The following PRKACA variants were observed in gnomAD, a reference collection of about 807,000 sequenced individuals.
The protein encoded by PRKACA is cAMP-dependent protein kinase catalytic subunit alpha.
In PRKACA, 9 loss-of-function variants were observed where a neutral mutation model predicts 45.8. That is an observed-to-expected ratio of 0.20 (90% CI 0.12 to 0.34). The LOEUF (loss-of-function observed/expected upper bound fraction) is 0.34. PRKACA is among the 10% of genes least tolerant of loss of function. PRKACA has a pLI of 1.00. For missense variants in PRKACA, 238 were observed against 458.6 expected (o/e 0.52, Z 4.39); for synonymous variants, 160 against 178.6 (o/e 0.90, Z 0.83).
intron 1 of PRKACA, among the ~76,000 whole-genome samples, chr19:14,111,565 C>T (rs1433545456): frequency 6.6e-6 from 1 of 152,176 alleles, no homozygotes; most frequent in Non-Finnish European, 1.5e-5. Flanking sequence ...GCCTGGGGGT[C>T]ACACCAAATC....
At chr19:14,108,552 C>T (rs1252354628) in intron 1 of PRKACA, among the ~76,000 whole-genome samples, 3 of 151,564 alleles carry the variant, frequency 2.0e-5, no homozygotes, top group African/African-American at 4.9e-5. Flanking sequence ...GGACTACAGA[C>T]GCCTGCCACC....
intron 8 of PRKACA, among the ~76,000 whole-genome samples, chr19:14,094,978 C>A (rs568731943): frequency 3.9e-5 from 6 of 152,202 alleles, no homozygotes; most frequent in Non-Finnish European, 8.8e-5. Flanking sequence ...TGGCCCTTAA[C>A]CTCTCTGGGC....
rs774910519 is a variant in PRKACA, at chr19:14,093,589, C to T, written c.930+39G>A. 6 of 1,594,510 alleles carry T rather than the reference C, an allele frequency of 3.8e-6. No individual in the cohort carries two copies. In the East Asian group the frequency reaches 1.3e-4, roughly 36 times the overall value. On this transcript the variant is annotated intron_variant, in intron 9 of 9. Coordinates refer to ENST00000308677, the MANE Select transcript of PRKACA (RefSeq NM_002730.4). ...GCTGTCCTCCCTGACTCTTGGCCTG[C>T]TCCCAAACCCTCAGCAGGCTTAAGG... is the stretch of plus-strand genomic sequence containing the variant.
chr19:14,094,267 C>T (rs1178245923), intron 8 of PRKACA, among the ~76,000 whole-genome samples: 2 of 151,028 alleles, frequency 1.3e-5, no homozygotes, highest in East Asian at 3.9e-4. Context: ...GGGCTCACTG[C>T]AACCTCCGCC....
At chr19:14,106,952 T>G (rs1977629164) in intron 2 of PRKACA, 64 bp from the exon 3 acceptor site, 1 of 1,587,546 alleles carries the variant, frequency 6.3e-7, no homozygotes, top group South Asian at 1.1e-5. Flanking sequence ...GGCTAAGGTC[T>G]GGGGCATCCC....
chr19:14,094,185 G>GA (rs940405502), intron 8 of PRKACA, among the ~76,000 whole-genome samples: 12,103 of 58,966 alleles, frequency 0.21, 1,742 homozygotes, highest in African/African-American at 0.27. Flanking sequence ...TTCTTTTTTT[G>GA]AAAAAAAAAA....
At chr19:14,112,510 CT>C (rs1966994405) in intron 1 of PRKACA, 1 of 152,084 alleles carries the variant, frequency 6.6e-6, no homozygotes, top group South Asian at 2.1e-4. Context: ...TGGAATCTTC[CT>C]TTTGCTGAGA....
rs1977486862 is a variant in PRKACA at position 14,102,885 on chromosome 19, G to A, written c.267C>T (p.Thr89=). The stretch of plus-strand genomic sequence containing the variant: ...CTTGCAGGATGCGCTTTTCATTCAG[G>A]GTGTGTTCGATCTGTTTCAGTTTCA... The part of the protein sequence containing the change: ...KVVKLKQIEH[T]LNEKRILQAV... Residue 89 remains threonine, a synonymous_variant, in exon 4 of 10, where the codon ACC becomes ACT. Coordinates refer to ENST00000308677, the MANE Select transcript of PRKACA (RefSeq NM_002730.4). The A allele has an allele frequency of 1.2e-5, 19 of 1,614,152 alleles. No homozygotes were observed. Among genetic ancestry groups the A allele is most frequent in the Non-Finnish European group, 1.5e-5 (18 of 1,180,000 alleles).
chr19:14,111,591 C>A (rs907012322), intron 1 of PRKACA, among the ~76,000 whole-genome samples: 4 of 152,186 alleles, frequency 2.6e-5, no homozygotes, highest in Admixed American at 2.6e-4. Flanking sequence ...CTTTCACTAG[C>A]AGAACCTTTG....
chr19:14,116,493 A>G (rs1428939453), intron 1 of PRKACA, among the ~76,000 whole-genome samples: 42 of 152,118 alleles, frequency 2.8e-4, no homozygotes, highest in Admixed American at 2.7e-3. Flanking sequence ...TTAGAACCGA[A>G]TGAACCTCGC....
chr19:14,115,621 C>T (rs1044912192), intron 1 of PRKACA, among the ~76,000 whole-genome samples: 1 of 152,180 alleles, frequency 6.6e-6, no homozygotes, highest in Non-Finnish European at 1.5e-5. Flanking sequence ...TCTATTTTAC[C>T]ATGATCATTC....
At position 14,092,571 on chromosome 19, in the gene PRKACA, G is replaced by T. The variant is rs1977111121; in HGVS notation, c.*541C>A. 5 of 398,568 alleles carry T rather than the reference G, an allele frequency of 1.3e-5. No homozygotes were observed. Among genetic ancestry groups the T allele is most frequent in the East Asian group, 7.1e-5 (2 of 28,080 alleles). The allele number at this position is 398,568 out of a possible 1,614,324, so 24.7% of individuals were successfully genotyped here. A position where few individuals can be genotyped will look rare whatever the true frequency, so the allele number is the denominator to read the frequency against. On this transcript the variant is annotated 3_prime_UTR_variant, in exon 10 of 10. Coordinates refer to ENST00000308677, the MANE Select transcript of PRKACA (RefSeq NM_002730.4). ...AACTTAAATAAGATTTTAAATTGTTGTTTTTTTAAAAAAATTCTAGCAAGC... is the reference window on the plus strand; with the variant it reads ...AACTTAAATAAGATTTTAAATTGTTTTTTTTTTAAAAAAATTCTAGCAAGC...
intron 1 of PRKACA, among the ~76,000 whole-genome samples, chr19:14,115,725 T>G (rs1052215743): frequency 4.6e-5 from 7 of 152,166 alleles, no homozygotes; most frequent in Non-Finnish European, 1.0e-4. Context: ...TGTGTGGCTT[T>G]CCACCCCCCA....
At chr19:14,100,408 C>T (rs901273996) in intron 5 of PRKACA, among the ~76,000 whole-genome samples, 23 of 152,148 alleles carry the variant, frequency 1.5e-4, no homozygotes, top group Non-Finnish European at 5.9e-5. Flanking sequence ...AGTGATTCTC[C>T]TGCCTCAGCC....
rs542748507 is a variant in PRKACA at position 14,100,304 on chromosome 19, A to AT, written c.419+521dup. ...AAAATGCACAAAATCAACAACTTCAATTTTTTTTTTTGAGACGGCATGTCA... is the reference window on the plus strand; with the variant it reads ...AAAATGCACAAAATCAACAACTTCAATTTTTTTTTTTTGAGACGGCATGTCA... On this transcript the variant is annotated intron_variant, in intron 5 of 9. Transcript: ENST00000308677. Among the ~76,000 whole-genome samples the AT allele has an allele frequency of 5.6e-3, 800 of 142,026 alleles. 3 individuals are homozygous for AT. Among genetic ancestry groups the AT allele is most frequent in the Non-Finnish European group, 8.9e-3 (572 of 64,248 alleles). The allele number at this position is 142,026 out of a possible 152,430, so 93.2% of individuals were successfully genotyped here.
intron 2 of PRKACA, 124 bp from the exon 3 acceptor site, chr19:14,107,012 T>C: frequency 7.8e-7 from 1 of 1,285,000 alleles, no homozygotes; most frequent in Non-Finnish European, 1.1e-6. Flanking sequence ...GTCAGCGGGG[T>C]GAGGACAGGG....
rs1977111384 is a variant in PRKACA at position 14,092,577 on chromosome 19, T to G, written c.*535A>C. The G allele has an allele frequency of 2.5e-6, 1 of 398,738 alleles. No homozygotes were observed. Among genetic ancestry groups the G allele is most frequent in the East Asian group, 3.6e-5 (1 of 28,070 alleles). The allele number at this position is 398,738 out of a possible 1,614,324, so 24.7% of individuals were successfully genotyped here. A position where few individuals can be genotyped will look rare whatever the true frequency, so the allele number is the denominator to read the frequency against. Reference sequence around the variant, plus strand: ...AATAAGATTTTAAATTGTTGTTTTTTTAAAAAAATTCTAGCAAGCAACCCA... The same window carrying G: ...AATAAGATTTTAAATTGTTGTTTTTGTAAAAAAATTCTAGCAAGCAACCCA... On this transcript the variant is annotated 3_prime_UTR_variant, in exon 10 of 10. Transcript: ENST00000308677.
chr19:14,093,041 A>ATGGGC lies in PRKACA; in HGVS notation c.*70_*71insGCCCA. 2.0e-6 allele frequency: 1 copy of ATGGGC among 500,030 alleles called. No homozygotes were observed. Among genetic ancestry groups the ATGGGC allele is most frequent in the Non-Finnish European group, 3.6e-6 (1 of 278,314 alleles). 31.0% of individuals were successfully genotyped at this position (500,030 alleles called of 1,614,324 possible). On this transcript the variant is annotated 3_prime_UTR_variant, in exon 10 of 10. Coordinates refer to ENST00000308677, the MANE Select transcript of PRKACA (RefSeq NM_002730.4). ...CTGGGGCCCTCTGGCTGTTCAATCC[A>ATGGGC]ACCCTCCCACCCCCCCGACCAAAAA...
chr19:14,100,870 G>A lies in PRKACA; in HGVS notation c.375C>T (p.Pro125=), dbSNP rs772438487. ...GTAGGTGTGAGAACATCTCCCCGCC[G>A]GGCACGTACTCCATGACCATGTATA... ...SNLYMVMEYV[P]GGEMFSHLRR... The change falls in exon 5 of 10, where the codon CCC becomes CCT. Residue 125 remains proline, a synonymous_variant. Transcript: ENST00000308677. The A allele has an allele frequency of 4.0e-5, 64 of 1,614,104 alleles. No individual in the cohort carries two copies. Among genetic ancestry groups the A allele is most frequent in the South Asian group, 2.2e-4 (20 of 91,082 alleles).
Sources: allele counts gnomAD v4.1 joint callset (sites outside exome capture counted in the v4.1 genomes callset), GRCh38; gene constraint gnomAD v4.1.1; transcripts MANE v1.5; gene names NCBI Gene and HGNC (gene_info 2026-07-23, HGNC 2026-07-21).